Variants in MPZL3 observed in about 807,000 individuals in gnomAD.
The protein encoded by MPZL3 is myelin protein zero like 3.
A neutral mutation model predicts 24.8 loss-of-function variants in MPZL3; 23 were observed. The observed-to-expected ratio is 0.93, with a 90% CI of 0.67 to 1.31. The LOEUF (loss-of-function observed/expected upper bound fraction) is 1.31, where lower values mean the gene tolerates loss of function less well. Ranked by LOEUF, MPZL3 falls within the 40% of genes most tolerant of loss-of-function variation. The pLI, the probability that MPZL3 is intolerant of heterozygous loss-of-function variation, is 0.00. For synonymous variants in MPZL3, 99 were observed against 106.5 expected (o/e 0.93, Z 0.44); for missense variants, 277 against 294.9 (o/e 0.94, Z 0.44).
At chr11:118,236,917 T>G in intron 3 of MPZL3, 133 bp downstream of exon 3, 2 of 682,582 alleles carry the variant, frequency 2.9e-6, no homozygotes, top group South Asian at 2.3e-5. Context: ...GGCAGAAAAA[T>G]TACTTCGATT....
chr11:118,245,742 G>T (rs1191496775), intron 1 of MPZL3, among the ~76,000 whole-genome samples: 1 of 152,156 alleles, frequency 6.6e-6, no homozygotes, highest in Non-Finnish European at 1.5e-5. Context: ...GCTAGCTCTG[G>T]GTGTGACCAG....
At chr11:118,240,961 T>A (rs11216828) in intron 1 of MPZL3, among the ~76,000 whole-genome samples, 32,352 of 152,164 alleles carry the variant, frequency 0.21, 3,540 homozygotes, top group Middle Eastern at 0.28. Flanking sequence ...GTTTTTCCCT[T>A]TTTCTTAAAG....
In MPZL3 at chr11:118,227,668, G is replaced by A. The variant is rs1012412338; in HGVS notation, c.*2226C>T. 2 of 152,168 alleles carry A rather than the reference G, an allele frequency of 1.3e-5. No homozygotes were observed. Among genetic ancestry groups the A allele is most frequent in the African/African-American group, 4.8e-5 (2 of 41,432 alleles). The allele number at this position is 152,168 out of a possible 1,614,324, so 9.4% of individuals were successfully genotyped here. On this transcript the variant is annotated 3_prime_UTR_variant, in exon 6 of 6. Coordinates refer to ENST00000278949, the MANE Select transcript of MPZL3 (RefSeq NM_198275.3). The stretch of plus-strand genomic sequence containing the variant: ...CATGATTAAGGCTATAAAAGAACAC[G>A]ACTGAGTATTCACAGAGCACCAATT...
At chr11:118,248,567 A>G (rs557672810) in intron 1 of MPZL3, among the ~76,000 whole-genome samples, 111 of 152,174 alleles carry the variant, frequency 7.3e-4, no homozygotes, top group South Asian at 6.8e-3. Flanking sequence ...TAAATACTGG[A>G]TATGTGGGGT....
intron 2 of MPZL3, among the ~76,000 whole-genome samples, chr11:118,239,888 G>A (rs1216292692): frequency 2.0e-5 from 3 of 152,182 alleles, no homozygotes; most frequent in Non-Finnish European, 4.4e-5. Flanking sequence ...CAATAGTCCT[G>A]AAGGTACCCT....
At chr11:118,236,485 C>T (rs776687088) in intron 3 of MPZL3, among the ~76,000 whole-genome samples, 2 of 152,108 alleles carry the variant, frequency 1.3e-5, no homozygotes, top group Admixed American at 6.5e-5. Flanking sequence ...AAATCTTTAG[C>T]TCAAATCCAA....
At chr11:118,230,428 T>G (rs776941908) in intron 5 of MPZL3, among the ~76,000 whole-genome samples, 1 of 152,178 alleles carries the variant, frequency 6.6e-6, no homozygotes, top group Non-Finnish European at 1.5e-5. Flanking sequence ...ATAGAACTGT[T>G]ATGAGAATTG....
At chr11:118,251,535 T>C (rs73596389) in intron 1 of MPZL3, among the ~76,000 whole-genome samples, 8,992 of 152,158 alleles carry the variant, frequency 0.059, 676 homozygotes, top group African/African-American at 0.17. Flanking sequence ...TTTATGCAAT[T>C]TGAAAATTAT....
intron 3 of MPZL3, among the ~76,000 whole-genome samples, 184 bp from the exon 4 acceptor site, chr11:118,235,773 T>C (rs1591491864): frequency 6.6e-6 from 1 of 152,172 alleles, no homozygotes; most frequent in African/African-American, 2.4e-5. Context: ...ATAATCCCAC[T>C]ACCTAGGAAG....
At chr11:118,245,012 C>T (rs1003684626) in intron 1 of MPZL3, among the ~76,000 whole-genome samples, 6 of 151,966 alleles carry the variant, frequency 3.9e-5, no homozygotes, top group African/African-American at 7.3e-5. Context: ...GGAGGCAGAG[C>T]TTGCCGTGAG....
chr11:118,242,876 G>A (rs1949514142), intron 1 of MPZL3, among the ~76,000 whole-genome samples: 1 of 152,154 alleles, frequency 6.6e-6, no homozygotes, highest in South Asian at 2.1e-4. Context: ...CACCTTCAGG[G>A]CAAAAATTCA....
chr11:118,231,118 C>T lies in MPZL3; in HGVS notation c.682-1198G>A, dbSNP rs2134692726. 2.0e-5 allele frequency among the ~76,000 whole-genome samples: 3 copies of T among 152,280 alleles called. No individual in the cohort carries two copies. The South Asian group carries it at 6.2e-4, about 32-fold the overall frequency. ...TTTCTGCAATCTTTCTTGACCCCAC[C>T]CCAGACAAGTTTTCATTCCCACTAT... On this transcript the variant is annotated intron_variant, in intron 5 of 5. Transcript: ENST00000278949.
In MPZL3 at chr11:118,237,197, A is replaced by C. The variant is rs746561258; in HGVS notation, c.304T>G (p.Trp102Gly). Residue 102 changes from tryptophan (W) to glycine (G), a missense_variant, in exon 3 of 6, where the codon TGG (tryptophan) becomes GGG (glycine). By Grantham distance (184) the Trp-to-Gly change is radical (BLOSUM62 -2). Transcript: ENST00000278949. ...TCCCCTTTGTATACATTTCCAACCC[A>C]GGAAATCCGATCCCGAAATGTGCCT... ...TAGTFRDRISWVGNVYKGDAS... is the reference protein window; with the variant it reads ...TAGTFRDRISGVGNVYKGDAS... 3.1e-6 allele frequency: 5 copies of C among 1,614,036 alleles called. No individual in the cohort carries two copies. In the East Asian group the frequency reaches 8.9e-5, roughly 29 times the overall value.
chr11:118,241,441 G>C (rs772231452), intron 1 of MPZL3, among the ~76,000 whole-genome samples: 1 of 152,120 alleles, frequency 6.6e-6, no homozygotes, highest in Non-Finnish European at 1.5e-5. Context: ...TTCAAATCCC[G>C]GCCCTGTCAC....
rs1465141900 is a variant in MPZL3 at position 118,228,166 on chromosome 11, A to C, written c.*1728T>G. On this transcript the variant is annotated 3_prime_UTR_variant, in exon 6 of 6. Transcript: ENST00000278949. ...TCGCTCATCTGTGGACTAGGTTAAC[A>C]GAAGAGGCTAGGCCAAATCTATGAT... is the stretch of plus-strand genomic sequence containing the variant. The C allele has an allele frequency of 6.6e-6, 1 of 152,304 alleles. No individual in the cohort carries two copies. The highest frequency in any genetic ancestry group is 1.9e-4 in the East Asian group (1 of 5,186). The allele number at this position is 152,304 out of a possible 1,614,324, so 9.4% of individuals were successfully genotyped here.
chr11:118,237,807 AC>A lies in MPZL3; in HGVS notation c.241-548del, dbSNP rs558938630. Among the ~76,000 whole-genome samples the A allele has an allele frequency of 2.1e-3, 317 of 152,268 alleles. 2 individuals are homozygous for A. Among genetic ancestry groups the A allele is most frequent in the African/African-American group, 7.5e-3 (310 of 41,558 alleles). On this transcript the variant is annotated intron_variant, in intron 2 of 5. Coordinates refer to ENST00000278949, the MANE Select transcript of MPZL3 (RefSeq NM_198275.3). ...CACTTGAGCCTCATGACTACACTGA[AC>A]TACATGAGGCAGGTATAATTATTCC...
At chr11:118,233,955 T>C (rs1165227284) in intron 4 of MPZL3, among the ~76,000 whole-genome samples, 1 of 152,182 alleles carries the variant, frequency 6.6e-6, no homozygotes, top group African/African-American at 2.4e-5. Context: ...ATTACACCAC[T>C]GCACTCCAGC....
At chr11:118,249,485 A>ATCCCAGGCCTAATGCCTG (rs1949595387) in intron 1 of MPZL3, among the ~76,000 whole-genome samples, 2 of 152,328 alleles carry the variant, frequency 1.3e-5, no homozygotes, top group East Asian at 3.9e-4. Context: ...TCTTCATCTG[A>ATCCCAGGCCTAATGCCTG]GCAGAAAAGC....
At position 118,235,596 on chromosome 11, in the gene MPZL3, G is replaced by A. The variant is rs1832536751; in HGVS notation, c.452-7C>T. On this transcript the variant is annotated splice_polypyrimidine_tract_variant and splice_region_variant and intron_variant, in intron 3 of 5. Transcript: ENST00000278949. ...GAAAGCATGGTGCCAAAACCTAGAG[G>A]CGGAGAAAGAGAAGGTAAAAGACAG... The A allele has an allele frequency of 9.9e-6, 16 of 1,612,806 alleles. No homozygotes were observed. Among genetic ancestry groups the A allele is most frequent in the Non-Finnish European group, 1.3e-5 (15 of 1,179,150 alleles).
Sources: gnomAD v4.1 joint callset for allele counts (sites outside exome capture counted in the v4.1 genomes callset) on GRCh38, gnomAD v4.1.1 for gene constraint, MANE v1.5 for transcripts, NCBI Gene and HGNC (gene_info 2026-07-23, HGNC 2026-07-21) for gene names.